Variants in DCHS2 observed in about 807,000 individuals in gnomAD.
DCHS2 encodes the protein protocadherin-23.
Under a neutral mutation model 182.4 loss-of-function variants are expected in DCHS2, and 142 were observed. That is an observed-to-expected ratio of 0.78 (90% confidence interval 0.68 to 0.89). The LOEUF is 0.89. Among genes scored for constraint, DCHS2 ranks in the 40% least tolerant of loss-of-function variants. The pLI is 0.00. For missense variants in DCHS2, 4,319 were observed against 4,198.6 expected, an observed-to-expected ratio of 1.03 and a Z score of -0.79; for synonymous variants, 1,740 against 1,663.3, an observed-to-expected ratio of 1.05 and a Z score of -1.12.
chr4:154,289,648 A>G lies in DCHS2; in HGVS notation c.6463+8203T>C, dbSNP rs1440792738. ...AGAGACATCAAAAAAAGAGAAAAGTAAAGGCCATATCTCTGATGAACACTG... is the reference window on the plus strand; with the variant it reads ...AGAGACATCAAAAAAAGAGAAAAGTGAAGGCCATATCTCTGATGAACACTG... On this transcript the variant is annotated intron_variant, in intron 13 of 19. Coordinates refer to ENST00000357232, the MANE Select transcript of DCHS2 (RefSeq NM_001358235.2). 1.1e-4 allele frequency among the ~76,000 whole-genome samples: 17 copies of G among 152,162 alleles called. No individual in the cohort carries two copies. The South Asian group carries it at 2.5e-3, about 22-fold the overall frequency.
chr4:154,369,899 G>T (rs767187416), intron 2 of DCHS2, among the ~76,000 whole-genome samples: 3 of 152,158 alleles, frequency 2.0e-5, no homozygotes, highest in African/African-American at 7.2e-5. Flanking sequence ...CAGGAGGGTC[G>T]CCTAGGGCAA....
chr4:154,280,014 A>G (rs943534893), intron 13 of DCHS2, among the ~76,000 whole-genome samples: 10 of 151,910 alleles, frequency 6.6e-5, no homozygotes, highest in Non-Finnish European at 8.8e-5. Flanking sequence ...GAGAGAGAGA[A>G]AAAAATGAAT....
At chr4:154,374,350 T>C (rs1197435597) in intron 2 of DCHS2, 1 of 170,280 alleles carries the variant, frequency 5.9e-6, no homozygotes, top group Non-Finnish European at 1.2e-5. Context: ...TCATGAGAGT[T>C]GTGTTTTAAA....
chr4:154,266,320 G>C (rs893938300), intron 14 of DCHS2, among the ~76,000 whole-genome samples: 1 of 10,004 alleles, frequency 1.0e-4, no homozygotes, highest in Non-Finnish European at 1.9e-4. Flanking sequence ...GAGAGTTGCA[G>C]GGGTTTTTTT....
intron 9 of DCHS2, among the ~76,000 whole-genome samples, chr4:154,318,297 T>C (rs986946007): frequency 6.6e-6 from 1 of 151,480 alleles, no homozygotes; most frequent in Non-Finnish European, 1.5e-5. Context: ...ATTTAAAGCA[T>C]ATGTATCTTA....
At chr4:154,238,430 G>C (rs1731641368) in intron 19 of DCHS2, among the ~76,000 whole-genome samples, 1 of 152,088 alleles carries the variant, frequency 6.6e-6, no homozygotes, top group African/African-American at 2.4e-5. Context: ...CCCAGGCCCT[G>C]TTATTTTCTA....
At chr4:154,301,715 T>C (rs1578937409) in intron 12 of DCHS2, among the ~76,000 whole-genome samples, 1 of 152,094 alleles carries the variant, frequency 6.6e-6, no homozygotes, top group Non-Finnish European at 1.5e-5. Flanking sequence ...GTCAGGCTGG[T>C]CTCAAATTAA....
chr4:154,312,890 A>C (rs1009166165), intron 10 of DCHS2, among the ~76,000 whole-genome samples: 3 of 152,226 alleles, frequency 2.0e-5, no homozygotes, highest in African/African-American at 7.2e-5. Context: ...GTATTCCAAA[A>C]TTAGATGCAT....
chr4:154,246,330 C>T (rs559631652), intron 16 of DCHS2, among the ~76,000 whole-genome samples: 1 of 152,256 alleles, frequency 6.6e-6, no homozygotes, highest in South Asian at 2.1e-4. Flanking sequence ...GAAAGACCTT[C>T]TCTGGAGAAC....
At chr4:154,483,577 A>G (rs1217825025) in intron 1 of DCHS2, among the ~76,000 whole-genome samples, 2 of 152,212 alleles carry the variant, frequency 1.3e-5, no homozygotes, top group Non-Finnish European at 2.9e-5. Flanking sequence ...ATGGGGACTG[A>G]CCAGATGGTC....
At chr4:154,341,436 T>C (rs1729096904) in intron 3 of DCHS2, among the ~76,000 whole-genome samples, 1 of 151,136 alleles carries the variant, frequency 6.6e-6, no homozygotes, top group Non-Finnish European at 1.5e-5. Flanking sequence ...CACCTAACCA[T>C]ACAAGGTAAA....
chr4:154,337,777 G>T (rs2111376904), intron 3 of DCHS2, among the ~76,000 whole-genome samples: 1 of 151,962 alleles, frequency 6.6e-6, no homozygotes, highest in East Asian at 1.9e-4. Context: ...GTTTCACTCT[G>T]TTGCCCAGGT....
At chr4:154,298,770 C>G (rs1412978580) in intron 12 of DCHS2, 62 bp from the exon 13 acceptor site, 3 of 1,513,180 alleles carry the variant, frequency 2.0e-6, no homozygotes, top group Non-Finnish European at 2.6e-6. Context: ...TTTGCTAGCA[C>G]TATCTATGGT....
chr4:154,233,309 C>T lies in DCHS2; in HGVS notation c.*1227G>A, dbSNP rs1040081783. On this transcript the variant is annotated 3_prime_UTR_variant, in exon 20 of 20. Coordinates refer to ENST00000357232, the MANE Select transcript of DCHS2 (RefSeq NM_001358235.2). ...AGGCTTATCAGAAAGAAGGCTAGAG[C>T]ATTGTATGTGAGCACCATCTAGCAC... 5.9e-5 allele frequency: 9 copies of T among 152,094 alleles called. No homozygotes were observed. The highest frequency in any genetic ancestry group is 1.3e-4 in the Non-Finnish European group (9 of 68,006). 9.4% of individuals were successfully genotyped at this position (152,094 alleles called of 1,614,324 possible).
chr4:154,255,405 G>A, intron 16 of DCHS2, 114 bp downstream of exon 16: 1 of 1,347,060 alleles, frequency 7.4e-7, no homozygotes, highest in Non-Finnish European at 9.7e-7. Context: ...TTGGATCAAA[G>A]GGATAACACA....
intron 1 of DCHS2, among the ~76,000 whole-genome samples, chr4:154,482,709 G>T (rs1490669): frequency 1.3e-5 from 2 of 151,930 alleles, no homozygotes; most frequent in Non-Finnish European, 2.9e-5. Context: ...CAGAGAAGAT[G>T]GAATAGGGGA....
At chr4:154,343,770 T>C in intron 3 of DCHS2, 1 of 1,012,304 alleles carries the variant, frequency 9.9e-7, no homozygotes, top group Non-Finnish European at 1.3e-6. Flanking sequence ...TCTTTTGCTT[T>C]CTTATCATTT....
At chr4:154,290,052 T>A (rs996879041) in intron 13 of DCHS2, among the ~76,000 whole-genome samples, 6 of 151,946 alleles carry the variant, frequency 3.9e-5, no homozygotes, top group African/African-American at 1.4e-4. Context: ...ACCTAAAGAC[T>A]CCTCCAAAAA....
At chr4:154,409,718 C>T (rs895546343) in intron 1 of DCHS2, among the ~76,000 whole-genome samples, 3 of 152,152 alleles carry the variant, frequency 2.0e-5, no homozygotes, top group Non-Finnish European at 4.4e-5. Flanking sequence ...GCACCAATGC[C>T]GTTGCTTAAG....
Sources: allele counts gnomAD v4.1 joint callset (sites outside exome capture counted in the v4.1 genomes callset), GRCh38; gene constraint gnomAD v4.1.1; transcripts MANE v1.5; gene names NCBI Gene and HGNC (gene_info 2026-07-23, HGNC 2026-07-21).